SENP3: variants seen among roughly 807,000 people sequenced by gnomAD.
SENP3 encodes sentrin-specific protease 3.
In SENP3, 11 loss-of-function variants were observed where a neutral mutation model predicts 66.2. That is an observed-to-expected ratio of 0.17 (90% CI 0.10 to 0.28). The LOEUF (loss-of-function observed/expected upper bound fraction) is 0.28. SENP3 is among the 10% of genes least tolerant of loss of function. SENP3 has a pLI of 1.00. For synonymous variants in SENP3, 292 were observed against 277.6 expected (o/e 1.05, Z -0.52); for missense variants, 548 against 743.7 (o/e 0.74, Z 3.06).
chr17:7,565,152 G>A (rs1597839456), intron 4 of SENP3, 82 bp downstream of exon 4: 7 of 1,090,374 alleles, frequency 6.4e-6, no homozygotes, highest in Non-Finnish European at 9.5e-6. Flanking sequence ...TCTTCCATAG[G>A]GCTGTAGTTG....
Position 7,563,144 on chromosome 17 carries a change from C to G in SENP3, c.68C>G (p.Ala23Gly). 1 of 1,543,550 alleles carries G rather than the reference C, an allele frequency of 6.5e-7. No homozygotes were observed. The highest frequency in any genetic ancestry group is 8.7e-7 in the Non-Finnish European group (1 of 1,146,392). ...CCTCCTGGACCCGGCATACCCCCAGCTTACTCAAGTCCCAGGCGGGAGCGT... is the reference window on the plus strand; with the variant it reads ...CCTCCTGGACCCGGCATACCCCCAGGTTACTCAAGTCCCAGGCGGGAGCGT... Reference protein sequence around the residue: ...PEPPGPGIPPAYSSPRRERLR... With the variant: ...PEPPGPGIPPGYSSPRRERLR... The change falls in exon 2 of 11, where the codon GCT (alanine) becomes GGT (glycine). Residue 23 changes from alanine (A) to glycine (G), a missense_variant. Physicochemically the swap from Ala to Gly is moderately conservative, Grantham distance 60 (BLOSUM62 0). Transcript: ENST00000321337.
intron 5 of SENP3, 48 bp downstream of exon 5, chr17:7,565,635 G>C: frequency 6.2e-7 from 1 of 1,613,144 alleles, no homozygotes; most frequent in South Asian, 1.1e-5. Context: ...CAGGGAGCAG[G>C]GTGTCTGGGG....
rs1281404051 is a variant in SENP3 at position 7,571,852 on chromosome 17, T to A, written c.*369T>A. ...CTTCAAACTTTTATATATATATATA[T>A]ATATATATATATATATATATATATA... is the stretch of plus-strand genomic sequence containing the variant. On this transcript the variant is annotated 3_prime_UTR_variant, in exon 11 of 11. Transcript: ENST00000321337. 5 of 1,810 alleles carry A rather than the reference T, an allele frequency of 2.8e-3. 1 individual carries two copies. Among genetic ancestry groups the A allele is most frequent in the Non-Finnish European group, 3.5e-3 (3 of 860 alleles). 0.1% of individuals were successfully genotyped at this position (1,810 alleles called of 1,614,324 possible).
rs2071327584 is a variant in SENP3 at position 7,571,903 on chromosome 17, ATATATAAAAATATAT to A, written c.*421_*435del. The A allele has an allele frequency of 1.5e-3, 20 of 13,786 alleles. No individual in the cohort carries two copies. The highest frequency in any genetic ancestry group is 2.7e-3 in the African/African-American group (13 of 4,780). The allele number at this position is 13,786 out of a possible 1,614,324, so 0.9% of individuals were successfully genotyped here. ...TATATATATATATATATATATATAT[ATATATAAAAATATAT>A]AAATGCCACGGTCCTGCTCTGGTCA... On this transcript the variant is annotated 3_prime_UTR_variant, in exon 11 of 11. Coordinates refer to ENST00000321337, the MANE Select transcript of SENP3 (RefSeq NM_015670.6).
intron 7 of SENP3, among the ~76,000 whole-genome samples, chr17:7,569,342 G>A (rs1020852672): frequency 2.9e-5 from 4 of 138,672 alleles, no homozygotes; most frequent in Non-Finnish European, 6.1e-5. Flanking sequence ...GCAAGATCAC[G>A]CCACTGCACT....
Position 7,570,940 on chromosome 17 carries a change from A to G in SENP3, c.1614+7A>G. ...TGGTGCTTTTGTGTTGCAGGTAAGCAGATGATGGGGCCACCTCCCCTAGCT... is the reference window on the plus strand; with the variant it reads ...TGGTGCTTTTGTGTTGCAGGTAAGCGGATGATGGGGCCACCTCCCCTAGCT... On this transcript the variant is annotated splice_region_variant and intron_variant, in intron 10 of 10. Transcript: ENST00000321337. The surrounding 1 kb of genome is among the most constrained non-coding windows in gnomAD (Gnocchi z 5.4). 1 of 1,612,882 alleles carries G rather than the reference A, an allele frequency of 6.2e-7. No homozygotes were observed. The highest frequency in any genetic ancestry group is 8.5e-7 in the Non-Finnish European group (1 of 1,179,346).
In SENP3 at chr17:7,563,461, G is replaced by C; in HGVS notation, c.385G>C (p.Ala129Pro). The change falls in exon 2 of 11, where the codon GCC becomes CCC. Residue 129 changes from alanine to proline, a missense_variant. Transcript: ENST00000321337. ...RKTCSQRRRR[A>P]MRAFRMLLYS... The stretch of plus-strand genomic sequence containing the variant: ...AACCTGCTCACAGCGCCGCCGCCGA[G>C]CCATGAGAGCCTTCCGGATGCTGCT... 2.3e-6 allele frequency: 3 copies of C among 1,303,616 alleles called. No individual in the cohort carries two copies. Among genetic ancestry groups the C allele is most frequent in the Non-Finnish European group, 3.0e-6 (3 of 990,950 alleles). The allele number at this position is 1,303,616 out of a possible 1,614,324, so 80.8% of individuals were successfully genotyped here. A position where few individuals can be genotyped will look rare whatever the true frequency, so the allele number is the denominator to read the frequency against.
At position 7,571,734 on chromosome 17, in the gene SENP3, G is replaced by C; in HGVS notation, c.*251G>C. The C allele has an allele frequency of 3.1e-6, 1 of 319,600 alleles. No individual in the cohort carries two copies. Among genetic ancestry groups the C allele is most frequent in the Admixed American group, 4.9e-5 (1 of 20,358 alleles). The allele number at this position is 319,600 out of a possible 1,614,324, so 19.8% of individuals were successfully genotyped here. On this transcript the variant is annotated 3_prime_UTR_variant, in exon 11 of 11. Coordinates refer to ENST00000321337, the MANE Select transcript of SENP3 (RefSeq NM_015670.6). ...CAGGGGAGTGTGGCCCTGTGGCCTG[G>C]GTGGAGCAGTCATCCTCCCCCTTCC...
intron 3 of SENP3, 44 bp from the exon 4 acceptor site, chr17:7,564,915 G>C: frequency 1.2e-6 from 2 of 1,607,806 alleles, no homozygotes; most frequent in Non-Finnish European, 1.7e-6. Flanking sequence ...ACTCCTAGAG[G>C]AGAGTCTGGA....
rs760731865 is a variant in SENP3, at chr17:7,570,444, C to T, written c.1430C>T (p.Thr477Ile). The T allele has an allele frequency of 6.2e-7, 1 of 1,613,804 alleles. No homozygotes were observed. The highest frequency in any genetic ancestry group is 1.1e-5 in the South Asian group (1 of 91,086). ...SLISVDVRRR[T>I]ITYFDSQRTL... ...ATCTCTGTTGATGTGAGGCGACGCA[C>T]CATCACCTATTTTGACTCGCAGCGT... is the stretch of plus-strand genomic sequence containing the variant. The change falls in exon 8 of 11, where the codon ACC (threonine) becomes ATC (isoleucine). Residue 477 changes from threonine (T) to isoleucine (I), a missense_variant. Thr to Ile is a moderately conservative substitution (Grantham distance 89). Coordinates refer to ENST00000321337, the MANE Select transcript of SENP3 (RefSeq NM_015670.6). The surrounding 1 kb of genome is among the most constrained non-coding windows in gnomAD (Gnocchi z 5.4).
At chr17:7,563,941 C>G (rs933691570) in intron 2 of SENP3, 150 bp downstream of exon 2, 7 of 685,706 alleles carry the variant, frequency 1.0e-5, no homozygotes, top group Admixed American at 3.3e-5. Flanking sequence ...CGAAATGTCT[C>G]CATTAAGCCC....
Position 7,563,406 on chromosome 17 carries a change from G to GCGGGGCC in SENP3, c.331_332insGGGGCCC (p.Pro111ArgfsTer79). The stretch of plus-strand genomic sequence containing the variant: ...GGAGTCAGCTGGGAACCTCCCAGCG[G>GCGGGGCC]CCCCGCCCTTCCCGCCCCACTCATC... On this transcript the variant is annotated frameshift_variant, in exon 2 of 11. Transcript: ENST00000321337. LOFTEE classifies it high-confidence loss of function. 1.3e-6 allele frequency: 2 copies of GCGGGGCC among 1,547,526 alleles called. No individual in the cohort carries two copies. The highest frequency in any genetic ancestry group is 1.7e-6 in the Non-Finnish European group (2 of 1,144,028).
In SENP3 at chr17:7,562,162, C is replaced by T. The variant is rs543387051; in HGVS notation, c.-113C>T. The T allele has an allele frequency of 8.4e-4, 336 of 397,860 alleles. 3 individuals are homozygous for T. In the Admixed American group the frequency reaches 0.013, roughly 15 times the overall value. The allele number at this position is 397,860 out of a possible 1,614,324, so 24.6% of individuals were successfully genotyped here. On this transcript the variant is annotated 5_prime_UTR_variant, in exon 1 of 11. Transcript: ENST00000321337. This position sits in a 1 kb window ranked among gnomAD's most constrained non-coding sequence, Gnocchi z 5.0. Reference sequence around the variant, plus strand: ...TTGAGACGGCTGCGCCTAAAGACAGCAGGAGTGGCGGGGCCGCCGCCGTCG... The same window carrying T: ...TTGAGACGGCTGCGCCTAAAGACAGTAGGAGTGGCGGGGCCGCCGCCGTCG...
Position 7,565,541 on chromosome 17 carries a change from T to C in SENP3, c.1169T>C (p.Met390Thr). The C allele has an allele frequency of 6.2e-7, 1 of 1,613,882 alleles. No individual in the cohort carries two copies. Among genetic ancestry groups the C allele is most frequent in the Non-Finnish European group, 8.5e-7 (1 of 1,179,856 alleles). ...GCTTATAAGCGGCACGTGCTGACCA[T>C]GGATGACTTGGGGACCTTGTATGGA... ...RVAYKRHVLTMDDLGTLYGQN... is the reference protein window; with the variant it reads ...RVAYKRHVLTTDDLGTLYGQN... The change falls in exon 5 of 11, where the codon ATG becomes ACG. Residue 390 changes from methionine to threonine, a missense_variant. By Grantham distance (81) the Met-to-Thr change is moderately conservative (BLOSUM62 -1). Transcript: ENST00000321337.
Position 7,563,274 on chromosome 17 carries a change from C to T in SENP3, c.198C>T (p.Pro66=). ...TTVPARRLPV[P]RPSFDASASE... The stretch of plus-strand genomic sequence containing the variant: ...TGCCAGCCAGACGCCTCCCTGTCCC[C>T]CGACCCTCTTTTGATGCCTCAGCAA... Residue 66 remains proline (P), a synonymous_variant, in exon 2 of 11, where the codon CCC becomes CCT. Transcript: ENST00000321337. The T allele has an allele frequency of 6.4e-7, 1 of 1,554,178 alleles. No homozygotes were observed. Among genetic ancestry groups the T allele is most frequent in the Admixed American group, 2.0e-5 (1 of 51,152 alleles).
Position 7,571,883 on chromosome 17 carries a change from ATATATATATATATATATATATAT to A in SENP3, c.*401_*423del, listed in dbSNP as rs2071325104. 4.7e-4 allele frequency: 6 copies of A among 12,868 alleles called. No individual in the cohort carries two copies. The South Asian group carries it at 9.2e-3, about 20-fold the overall frequency. The allele number at this position is 12,868 out of a possible 1,614,324, so 0.8% of individuals were successfully genotyped here. A position where few individuals can be genotyped will look rare whatever the true frequency, so the allele number is the denominator to read the frequency against. On this transcript the variant is annotated 3_prime_UTR_variant, in exon 11 of 11. Coordinates refer to ENST00000321337, the MANE Select transcript of SENP3 (RefSeq NM_015670.6). ...TATATATATATATATATATATATAT[ATATATATATATATATATATATAT>A]ATAAAAATATATAAATGCCACGGTC...
Position 7,571,588 on chromosome 17 carries a change from C to A in SENP3, c.*105C>A. On this transcript the variant is annotated 3_prime_UTR_variant, in exon 11 of 11. Transcript: ENST00000321337. Reference sequence around the variant, plus strand: ...CTCTCTTGCCTCTTCCCACTCACTTCCCTTTGGTTTTTCATATTTAAATGT... The same window carrying A: ...CTCTCTTGCCTCTTCCCACTCACTTACCTTTGGTTTTTCATATTTAAATGT... 1 of 708,524 alleles carries A rather than the reference C, an allele frequency of 1.4e-6. No individual in the cohort carries two copies. Among genetic ancestry groups the A allele is most frequent in the Non-Finnish European group, 2.4e-6 (1 of 412,628 alleles). 43.9% of individuals were successfully genotyped at this position (708,524 alleles called of 1,614,324 possible). A position where few individuals can be genotyped will look rare whatever the true frequency, so the allele number is the denominator to read the frequency against.
In SENP3 at chr17:7,570,213, T is replaced by A; in HGVS notation, c.1342-143T>A. The stretch of plus-strand genomic sequence containing the variant: ...CCGAAGAACCGAAACATGCAGATCC[T>A]GAGCTTGCCCACAATCTAGGCCTTG... On this transcript the variant is annotated intron_variant, in intron 7 of 10. Transcript: ENST00000321337. This position sits in a 1 kb window ranked among gnomAD's most constrained non-coding sequence, Gnocchi z 5.4. 9.8e-7 allele frequency: 1 copy of A among 1,018,088 alleles called. No homozygotes were observed. 63.1% of individuals were successfully genotyped at this position (1,018,088 alleles called of 1,614,324 possible). A position where few individuals can be genotyped will look rare whatever the true frequency, so the allele number is the denominator to read the frequency against.
At position 7,571,452 on chromosome 17, in the gene SENP3, A is replaced by G; in HGVS notation, c.1694A>G (p.Lys565Arg). 1 of 1,613,490 alleles carries G rather than the reference A, an allele frequency of 6.2e-7. No individual in the cohort carries two copies. Among genetic ancestry groups the G allele is most frequent in the Non-Finnish European group, 8.5e-7 (1 of 1,179,728 alleles). The change falls in exon 11 of 11, where the codon AAG becomes AGG. Residue 565 changes from lysine (K) to arginine (R), a missense_variant. Around this residue, in one of 6 missense-constraint regions of SENP3, gnomAD observed 81 missense variants for 139.8 expected, o/e 0.58. Transcript: ENST00000321337. ...DMPKLRRQIY[K>R]ELCHCKLTV The stretch of plus-strand genomic sequence containing the variant: ...CCCAAACTTCGTCGGCAGATCTACA[A>G]GGAGCTGTGTCACTGCAAACTCACT...
Sources: allele counts gnomAD v4.1 joint callset (sites outside exome capture counted in the v4.1 genomes callset), GRCh38; gene constraint gnomAD v4.1.1; regional missense constraint gnomAD v4.1.1; non-coding constraint Gnocchi (gnomAD v3.1); transcripts MANE v1.5; gene names NCBI Gene and HGNC (gene_info 2026-07-23, HGNC 2026-07-21).